GPR35: variants seen among roughly 807,000 people sequenced by gnomAD.
GPR35 encodes the protein G protein-coupled receptor 35, also known as KYNA receptor.
For missense variants in GPR35, 372 were observed against 422.5 expected (o/e 0.88, Z 1.05); for synonymous variants, 207 against 198.4 (o/e 1.04, Z -0.36).
At chr2:240,621,116 C>T (rs1559436321), upstream of GPR35, among the ~76,000 whole-genome samples, 1 of 152,212 alleles carries the variant, frequency 6.6e-6, no homozygotes. Context: ...AACTGAGCCC[C>T]CACACAGAGG....
At chr2:240,612,457 G>T (rs1290911733) in intron 2 of GPR35, among the ~76,000 whole-genome samples, 2 of 148,978 alleles carry the variant, frequency 1.3e-5, no homozygotes, top group Non-Finnish European at 3.0e-5. Context: ...AAGGACTAGG[G>T]ACTTACTGAC....
chr2:240,619,006 A>T (rs1001502022), exon 5 of GPR35: 10 of 702,740 alleles, frequency 1.4e-5, no homozygotes, highest in African/African-American at 1.2e-4. Flanking sequence ...GCTGAAGTAC[A>T]TGCTTCATAG....
chr2:240,625,090 C>T (rs1029172516), upstream of GPR35, among the ~76,000 whole-genome samples: 7 of 152,068 alleles, frequency 4.6e-5, no homozygotes, highest in South Asian at 2.1e-4. Context: ...GGGCATGAGG[C>T]GCTGGGGAGG....
chr2:240,612,688 C>G (rs2043195186), intron 2 of GPR35, among the ~76,000 whole-genome samples: 1 of 152,200 alleles, frequency 6.6e-6, no homozygotes, highest in Non-Finnish European at 1.5e-5. Flanking sequence ...GCAAGACTGG[C>G]CTGAGCCGCA....
intron 2 of GPR35, among the ~76,000 whole-genome samples, chr2:240,614,954 ATG>A (rs528782825): frequency 2.0e-5 from 3 of 151,880 alleles, no homozygotes; most frequent in South Asian, 4.2e-4. Context: ...ATGCATGTTT[ATG>A]TGTGTATTTG....
intron 2 of GPR35, among the ~76,000 whole-genome samples, chr2:240,611,424 G>A (rs2043181859): frequency 6.6e-6 from 1 of 151,966 alleles, no homozygotes. Flanking sequence ...CCTTCTTTTG[G>A]ATTAGTTGAC....
chr2:240,614,335 A>G (rs1007464633), intron 2 of GPR35, among the ~76,000 whole-genome samples: 3 of 152,132 alleles, frequency 2.0e-5, no homozygotes, highest in Non-Finnish European at 4.4e-5. Context: ...CCCTAACTCC[A>G]ATCCTAACCC....
rs182206931 is a variant in GPR35, at chr2:240,607,919, G to A, written c.-577+1307G>A. 2.0e-5 allele frequency among the ~76,000 whole-genome samples: 3 copies of A among 150,456 alleles called. No homozygotes were observed. The East Asian group carries it at 5.9e-4, about 30-fold the overall frequency. On this transcript the variant is annotated intron_variant, in intron 2 of 5. Transcript: ENST00000319838. ...TTTTTGTTTTTAAATTGAGACAGGG[G>A]CTCACTCTGTTGCCCAGGCTGGAGT... is the stretch of plus-strand genomic sequence containing the variant.
chr2:240,605,722 C>T (rs977783172), intron 1 of GPR35, among the ~76,000 whole-genome samples: 12 of 152,210 alleles, frequency 7.9e-5, no homozygotes, highest in East Asian at 3.8e-4. Context: ...TTCATGGTTG[C>T]GCCTTGCTCG....
rs1216864919 is a variant in GPR35, at chr2:240,611,995, A to G, written c.-576-4393A>G. 3.9e-5 allele frequency among the ~76,000 whole-genome samples: 6 copies of G among 152,068 alleles called. No homozygotes were observed. The East Asian group carries it at 9.6e-4, about 24-fold the overall frequency. On this transcript the variant is annotated intron_variant, in intron 2 of 5. Transcript: ENST00000319838. ...GGAGCAAAACAAGGAAGCGTGTGTCATGGAGGCCACACGAGGAAGTGGCTT... is the reference window on the plus strand; with the variant it reads ...GGAGCAAAACAAGGAAGCGTGTGTCGTGGAGGCCACACGAGGAAGTGGCTT...
chr2:240,611,259 T>C (rs1331950197), intron 2 of GPR35, among the ~76,000 whole-genome samples: 1 of 152,178 alleles, frequency 6.6e-6, no homozygotes, highest in African/African-American at 2.4e-5. Context: ...TGAGACACCG[T>C]GCCTGGCCAA....
Position 240,630,920 on chromosome 2 carries a change from G to A in GPR35, c.*38G>A, listed in dbSNP as rs779838005. ...GGGCGCTGTGGGCCAGGTCTCGGGGGCTCCGGGAGGTGCTGCCTGCCAGGG... is the reference window on the plus strand; with the variant it reads ...GGGCGCTGTGGGCCAGGTCTCGGGGACTCCGGGAGGTGCTGCCTGCCAGGG... On this transcript the variant is annotated 3_prime_UTR_variant, in exon 2 of 2. Transcript: ENST00000407714. 9 of 1,544,060 alleles carry A rather than the reference G, an allele frequency of 5.8e-6. No individual in the cohort carries two copies. The highest frequency in any genetic ancestry group is 8.0e-6 in the Non-Finnish European group (9 of 1,130,422).
upstream of GPR35, among the ~76,000 whole-genome samples, chr2:240,621,807 C>T (rs1458403883): frequency 6.6e-6 from 1 of 152,222 alleles, no homozygotes; most frequent in African/African-American, 2.4e-5. Context: ...AACTTTTTCT[C>T]ATACAGGGGT....
In GPR35 at chr2:240,630,874, C is replaced by T. The variant is rs1306725041; in HGVS notation, c.922C>T (p.Leu308Phe). 1 of 1,611,344 alleles carries T rather than the reference C, an allele frequency of 6.2e-7. No individual in the cohort carries two copies. The highest frequency in any genetic ancestry group is 1.1e-5 in the South Asian group (1 of 91,058). ...HKSQDSLCVTLA is the reference protein window; with the variant it reads ...HKSQDSLCVTFA ...AAGCCAGGACTCTCTGTGCGTGACC[C>T]TCGCCTAAGAGGCGTGCTGTGGGCG... The change falls in exon 2 of 2, where the codon CTC (leucine) becomes TTC (phenylalanine). Residue 308 changes from leucine (L) to phenylalanine (F), a missense_variant. Physicochemically the swap from Leu to Phe is conservative, Grantham distance 22 (BLOSUM62 0). Coordinates refer to ENST00000407714, the MANE Select transcript of GPR35 (RefSeq NM_005301.5).
chr2:240,623,482 G>A (rs951991237), upstream of GPR35, among the ~76,000 whole-genome samples: 1 of 94,934 alleles, frequency 1.1e-5, no homozygotes, highest in African/African-American at 3.3e-5. Flanking sequence ...TCGTGAGGGC[G>A]CAAACAGGTC....
chr2:240,609,254 A>G (rs181094323), intron 2 of GPR35, among the ~76,000 whole-genome samples: 1 of 151,172 alleles, frequency 6.6e-6, no homozygotes, highest in Admixed American at 6.6e-5. Context: ...CTTGGGTTTC[A>G]TTTGTTCTTG....
chr2:240,632,154 C>T lies in GPR35; in HGVS notation c.*1272C>T, dbSNP rs781068754. 5.1e-5 allele frequency among the ~76,000 whole-genome samples: 7 copies of T among 136,702 alleles called. No homozygotes were observed. The highest frequency in any genetic ancestry group is 7.7e-5 in the African/African-American group (3 of 39,008). The allele number at this position is 136,702 out of a possible 152,430, so 89.7% of individuals were successfully genotyped here. ...TCTATGCCCAAAAGGGTCCCATGTCCGGGAGGGTCCATACGCAAGGGTGTC... is the reference window on the plus strand; with the variant it reads ...TCTATGCCCAAAAGGGTCCCATGTCTGGGAGGGTCCATACGCAAGGGTGTC... On this transcript the variant is annotated 3_prime_UTR_variant, in exon 2 of 2. Transcript: ENST00000407714.
upstream of GPR35, among the ~76,000 whole-genome samples, chr2:240,621,395 C>G (rs774558600): frequency 6.6e-6 from 1 of 152,140 alleles, no homozygotes; most frequent in Admixed American, 6.5e-5. Context: ...GCTGGGACTA[C>G]AGGCACGCGC....
chr2:240,618,292 A>C (rs1202869803), intron 4 of GPR35, among the ~76,000 whole-genome samples: 1 of 152,256 alleles, frequency 6.6e-6, no homozygotes, highest in Non-Finnish European at 1.5e-5. Context: ...AACAGTATAT[A>C]ACCACTGAAA....
Sources: allele counts gnomAD v4.1 joint callset (sites outside exome capture counted in the v4.1 genomes callset), GRCh38; gene constraint gnomAD v4.1.1; transcripts MANE v1.5; gene names NCBI Gene and HGNC (gene_info 2026-07-23, HGNC 2026-07-21).